Variants in CCDC39 observed in about 807,000 individuals in gnomAD.
CCDC39 encodes coiled-coil domain 39 molecular ruler complex subunit.
A neutral mutation model predicts 121.0 loss-of-function variants in CCDC39; 113 were observed. The ratio of observed to expected loss-of-function variants is 0.93; its 90% confidence interval spans 0.80 to 1.09. CCDC39 has a LOEUF of 1.09. Ranked by LOEUF, CCDC39 falls within the 50% of genes least tolerant of loss-of-function variation. The pLI, the probability that CCDC39 is intolerant of heterozygous loss-of-function variation, is 0.00. For missense variants in CCDC39, 1,063 were observed against 1,074.7 expected (o/e 0.99, Z 0.15); for synonymous variants, 349 against 352.2 (o/e 0.99, Z 0.10).
intron 6 of CCDC39, among the ~76,000 whole-genome samples, chr3:180,655,743 G>T (rs13083700): frequency 0.07 from 10,604 of 152,034 alleles, 428 homozygotes; most frequent in African/African-American, 0.082. Context: ...GGAAAGGTAG[G>T]GTTTAGGGCC....
rs1030308648 is a variant in CCDC39 at position 180,631,532 on chromosome 3, C to A, written c.1935G>T (p.Leu645=). The change falls in exon 14 of 20, where the codon CTG becomes CTT. Residue 645 remains leucine (L), a synonymous_variant. Coordinates refer to ENST00000476379, the MANE Select transcript of CCDC39 (RefSeq NM_181426.2). The part of the protein sequence containing the change: ...IEKLKNRYEI[L]TVVMLPPEGE... ...CTTCAGGAGGCAGCATAACAACAGT[C>A]AGAATTTCATATCTATTCTTCAGCT... is the stretch of plus-strand genomic sequence containing the variant. 23 of 1,609,052 alleles carry A rather than the reference C, an allele frequency of 1.4e-5. No homozygotes were observed. The highest frequency in any genetic ancestry group is 1.7e-5 in the Non-Finnish European group (20 of 1,179,002).
intron 9 of CCDC39, among the ~76,000 whole-genome samples, chr3:180,650,082 C>T (rs1233563895): frequency 6.6e-6 from 1 of 152,146 alleles, no homozygotes; most frequent in African/African-American, 2.4e-5. Context: ...TCTTCAACTA[C>T]CCCTTTTTCA....
chr3:180,664,231 C>T (rs548498090), intron 1 of CCDC39, among the ~76,000 whole-genome samples: 12 of 152,226 alleles, frequency 7.9e-5, no homozygotes, highest in African/African-American at 2.9e-4. Flanking sequence ...CTGGTGAGGG[C>T]CCTCTTTCTT....
intron 13 of CCDC39, among the ~76,000 whole-genome samples, chr3:180,636,695 T>C (rs1464067969): frequency 2.0e-5 from 3 of 152,164 alleles, no homozygotes; most frequent in African/African-American, 7.2e-5. Flanking sequence ...ACTACAGGGC[T>C]ACAGTAATCA....
intron 1 of CCDC39, among the ~76,000 whole-genome samples, chr3:180,677,168 TTA>T (rs58408770): frequency 0.026 from 901 of 35,080 alleles, 13 homozygotes; most frequent in Non-Finnish European, 0.03. Flanking sequence ...AATAATAATT[TTA>T]TATATATATA....
At chr3:180,668,522 T>C (rs899964021) in intron 1 of CCDC39, among the ~76,000 whole-genome samples, 35 of 152,208 alleles carry the variant, frequency 2.3e-4, no homozygotes, top group African/African-American at 6.8e-4. Context: ...TCAGTTTGTA[T>C]ATAAAATTAG....
chr3:180,664,617 A>G (rs1023717787), intron 1 of CCDC39, among the ~76,000 whole-genome samples: 42 of 152,288 alleles, frequency 2.8e-4, no homozygotes, highest in African/African-American at 9.9e-4. Context: ...GATCTACTCA[A>G]AAATGCATTT....
intron 6 of CCDC39, among the ~76,000 whole-genome samples, 174 bp downstream of exon 6, chr3:180,659,278 C>T (rs533680491): frequency 6.6e-6 from 1 of 152,318 alleles, no homozygotes; most frequent in East Asian, 1.9e-4. Context: ...AAATAATCTT[C>T]ATCACATTTC....
At chr3:180,658,592 G>A (rs138062045) in intron 6 of CCDC39, among the ~76,000 whole-genome samples, 1,966 of 149,764 alleles carry the variant, frequency 0.013, 37 homozygotes, top group African/African-American at 0.047. Context: ...GCAAGACTCC[G>A]TCTCAAAAAA....
chr3:180,634,356 C>T (rs62292366), intron 13 of CCDC39, among the ~76,000 whole-genome samples: 19,116 of 152,134 alleles, frequency 0.13, 1,556 homozygotes, highest in Admixed American at 0.17. Flanking sequence ...GGAGAGGAAG[C>T]CAGTCCATCT....
chr3:180,645,620 T>A (rs1183221064), intron 11 of CCDC39, among the ~76,000 whole-genome samples: 1 of 152,136 alleles, frequency 6.6e-6, no homozygotes, highest in African/African-American at 2.4e-5. Context: ...TAAAACAATG[T>A]GATTTTCAAC....
rs1441709737 is a variant in CCDC39 at position 180,659,736 on chromosome 3, C to T, written c.550G>A (p.Glu184Lys). The stretch of plus-strand genomic sequence containing the variant: ...AGTATCTTTCTTTTCTGATTACATT[C>T]CAAAGTTAGTCTTTCTAATTGCAGA... ...LTLQLERLTLECNQKRKILDN... is the reference protein window; with the variant it reads ...LTLQLERLTLKCNQKRKILDN... The change falls in exon 5 of 20, where the codon GAA becomes AAA. Residue 184 changes from glutamate to lysine, a missense_variant. Transcript: ENST00000476379. 3 of 1,612,216 alleles carry T rather than the reference C, an allele frequency of 1.9e-6. No individual in the cohort carries two copies. Among genetic ancestry groups the T allele is most frequent in the Admixed American group, 3.3e-5 (2 of 59,948 alleles).
At chr3:180,664,325 C>A (rs570547898) in intron 1 of CCDC39, among the ~76,000 whole-genome samples, 2 of 152,068 alleles carry the variant, frequency 1.3e-5, no homozygotes, top group Non-Finnish European at 2.9e-5. Context: ...TAAAAGAGCA[C>A]CAACACCATT....
Position 180,614,717 on chromosome 3 carries a change from G to T in CCDC39, c.*204C>A. Reference sequence around the variant, plus strand: ...CTATGCTTGTATAACATGTAGCCTTGTCAAGAATCTGCTATTAATTTCTTC... The same window carrying T: ...CTATGCTTGTATAACATGTAGCCTTTTCAAGAATCTGCTATTAATTTCTTC... On this transcript the variant is annotated 3_prime_UTR_variant, in exon 20 of 20. Transcript: ENST00000476379. The T allele has an allele frequency of 8.2e-6, 4 of 490,054 alleles. No individual in the cohort carries two copies. Among genetic ancestry groups the T allele is most frequent in the Non-Finnish European group, 1.4e-5 (4 of 281,702 alleles). 30.4% of individuals were successfully genotyped at this position (490,054 alleles called of 1,614,324 possible).
At chr3:180,649,798 C>A (rs1718154777) in intron 9 of CCDC39, among the ~76,000 whole-genome samples, 1 of 152,144 alleles carries the variant, frequency 6.6e-6, no homozygotes, top group Non-Finnish European at 1.5e-5. Flanking sequence ...GTTTTTAATT[C>A]TCTGTGATGA....
In CCDC39 at chr3:180,648,379, T is replaced by A. The variant is rs201400747; in HGVS notation, c.1168-20A>T. Reference sequence around the variant, plus strand: ...TACTTCCTGATAATGAGAATTATAGTGATTAATGGAATTAAATATATTGAA... The same window carrying A: ...TACTTCCTGATAATGAGAATTATAGAGATTAATGGAATTAAATATATTGAA... On this transcript the variant is annotated intron_variant, in intron 9 of 19. Transcript: ENST00000476379. 7.2e-7 allele frequency: 1 copy of A among 1,394,442 alleles called. No homozygotes were observed. Among genetic ancestry groups the A allele is most frequent in the African/African-American group, 1.4e-5 (1 of 69,068 alleles). The allele number at this position is 1,394,442 out of a possible 1,614,324, so 86.4% of individuals were successfully genotyped here.
intron 13 of CCDC39, among the ~76,000 whole-genome samples, chr3:180,640,156 C>T (rs1041438028): frequency 6.6e-5 from 10 of 151,902 alleles, no homozygotes; most frequent in Admixed American, 1.3e-4. Flanking sequence ...ATGGTCTCTC[C>T]GGTACATTAC....
intron 1 of CCDC39, among the ~76,000 whole-genome samples, chr3:180,665,189 C>T (rs1164543192): frequency 3.3e-5 from 5 of 152,142 alleles, no homozygotes; most frequent in African/African-American, 1.2e-4. Context: ...CTCTTATGTA[C>T]CTAGAAACTG....
In CCDC39 at chr3:180,651,486, T is replaced by C; in HGVS notation, c.1082A>G (p.Lys361Arg). 1 of 1,541,922 alleles carries C rather than the reference T, an allele frequency of 6.5e-7. No homozygotes were observed. Among genetic ancestry groups the C allele is most frequent in the East Asian group, 2.4e-5 (1 of 41,270 alleles). ...AGACATGGTTTTCTCAGTTATCTCCTTTAATTTTGTTTGTATTATCTCATT... is the reference window on the plus strand; with the variant it reads ...AGACATGGTTTTCTCAGTTATCTCCCTTAATTTTGTTTGTATTATCTCATT... ...NHNEIIQTKL[K>R]EITEKTMSVE... Residue 361 changes from lysine to arginine, a missense_variant, in exon 9 of 20, where the codon AAG (lysine) becomes AGG (arginine). Lys to Arg is a conservative substitution (Grantham distance 26). Transcript: ENST00000476379.
Sources: allele counts gnomAD v4.1 joint callset (sites outside exome capture counted in the v4.1 genomes callset), GRCh38; gene constraint gnomAD v4.1.1; transcripts MANE v1.5; gene names NCBI Gene and HGNC (gene_info 2026-07-23, HGNC 2026-07-21).